Variants in EPHA7 observed in about 807,000 individuals in gnomAD.
EPHA7 encodes EPH receptor A7, also known as ephrin type-A receptor 7.
A neutral mutation model predicts 112.6 loss-of-function variants in EPHA7; 25 were observed. The observed-to-expected ratio is 0.22, with a 90% CI of 0.16 to 0.31. The LOEUF (loss-of-function observed/expected upper bound fraction) is 0.31, where lower values mean the gene tolerates loss of function less well. Among genes scored for constraint, EPHA7 ranks in the 10% least tolerant of loss-of-function variants. EPHA7 has a pLI of 1.00. For synonymous variants in EPHA7, 437 were observed against 406.5 expected (o/e 1.07, Z -0.90); for missense variants, 962 against 1,212.6 (o/e 0.79, Z 3.07).
At chr6:93,282,070 C>T (rs775700278) in intron 5 of EPHA7, among the ~76,000 whole-genome samples, 4 of 151,908 alleles carry the variant, frequency 2.6e-5, no homozygotes, top group East Asian at 1.9e-4. Flanking sequence ...ATGTTTATAA[C>T]GTTGTCATGT....
chr6:93,406,096 G>A (rs1778706856), intron 3 of EPHA7, among the ~76,000 whole-genome samples: 1 of 150,434 alleles, frequency 6.6e-6, no homozygotes, highest in Non-Finnish European at 1.5e-5. Context: ...CTATTAAAAA[G>A]CTGCTATTAG....
intron 7 of EPHA7, among the ~76,000 whole-genome samples, chr6:93,266,413 A>G (rs1770940752): frequency 6.6e-6 from 1 of 151,684 alleles, no homozygotes; most frequent in Non-Finnish European, 1.5e-5. Flanking sequence ...TGAATGATGA[A>G]TCAGAATTTG....
chr6:93,343,574 T>A (rs1292791716), intron 5 of EPHA7, among the ~76,000 whole-genome samples: 1 of 151,748 alleles, frequency 6.6e-6, no homozygotes, highest in Non-Finnish European at 1.5e-5. Flanking sequence ...GTGCATTTTA[T>A]CAGGAGACAT....
chr6:93,313,012 T>C (rs890311123), intron 5 of EPHA7, among the ~76,000 whole-genome samples: 1 of 152,078 alleles, frequency 6.6e-6, no homozygotes, highest in Non-Finnish European at 1.5e-5. Context: ...ACAATTACAG[T>C]AGTAACATCA....
chr6:93,245,449 T>C lies in EPHA7; in HGVS notation c.2731A>G (p.Ile911Val). 2 of 1,607,740 alleles carry C rather than the reference T, an allele frequency of 1.2e-6. No homozygotes were observed. The highest frequency in any genetic ancestry group is 2.2e-5 in the East Asian group (1 of 44,740). The stretch of plus-strand genomic sequence containing the variant: ...GTGTTTTGATCCAGAAGAGGGCTTA[T>C]TGGCCTAGATAAAAATGAAACAGAA... ...KTPLGTCSRP[I>V]SPLLDQNTPD... is the part of the protein sequence containing the mutation. Residue 911 changes from isoleucine (I) to valine (V), a missense_variant, in exon 16 of 17, where the codon ATA becomes GTA. Physicochemically the swap from Ile to Val is conservative, Grantham distance 29. This residue lies in a region of EPHA7 where 746 missense variants were observed against 889.2 expected (regional missense o/e 0.84). Transcript: ENST00000369303.
At chr6:93,365,014 T>A (rs1307050367) in intron 3 of EPHA7, among the ~76,000 whole-genome samples, 1 of 152,192 alleles carries the variant, frequency 6.6e-6, no homozygotes, top group African/African-American at 2.4e-5. Flanking sequence ...TTATTTTTCA[T>A]CCACATTACT....
At position 93,264,628 on chromosome 6, in the gene EPHA7, C is replaced by T. The variant is rs762911058; in HGVS notation, c.1708G>A (p.Val570Met). The change falls in exon 8 of 17, where the codon GTG becomes ATG. Residue 570 changes from valine to methionine, a missense_variant. Around this residue, in one of 3 missense-constraint regions of EPHA7, gnomAD observed 746 missense variants for 889.2 expected, o/e 0.84. Coordinates refer to ENST00000369303, the MANE Select transcript of EPHA7 (RefSeq NM_004440.4). The part of the protein sequence containing the change: ...VVAVAGTIIL[V>M]FMVFGFIIGR... ...ATGATGAAGCCAAAGACCATGAACA[C>T]CAAAATGATGGTCCCAGCTACAGCA... The T allele has an allele frequency of 3.7e-6, 6 of 1,607,424 alleles. No homozygotes were observed. The highest frequency in any genetic ancestry group is 4.3e-6 in the Non-Finnish European group (5 of 1,175,794).
intron 5 of EPHA7, among the ~76,000 whole-genome samples, chr6:93,344,324 T>C (rs1314614486): frequency 6.6e-6 from 1 of 151,560 alleles, no homozygotes; most frequent in Admixed American, 6.6e-5. Context: ...ACAATGAAAT[T>C]TGTGTGAGGC....
At chr6:93,336,582 T>C (rs1774885376) in intron 5 of EPHA7, among the ~76,000 whole-genome samples, 1 of 152,080 alleles carries the variant, frequency 6.6e-6, no homozygotes, top group African/African-American at 2.4e-5. Flanking sequence ...TTTTTATTTT[T>C]AGTAGAGACG....
At chr6:93,318,468 T>C (rs1344136594) in intron 5 of EPHA7, among the ~76,000 whole-genome samples, 1 of 151,988 alleles carries the variant, frequency 6.6e-6, no homozygotes, top group East Asian at 1.9e-4. Context: ...TCATGAGAAA[T>C]GAGAAAAAGA....
At chr6:93,286,055 A>G (rs763012731) in intron 5 of EPHA7, among the ~76,000 whole-genome samples, 3 of 152,128 alleles carry the variant, frequency 2.0e-5, no homozygotes, top group Non-Finnish European at 4.4e-5. Context: ...CCCTTTTCAG[A>G]AAAAGTTTGC....
At chr6:93,394,212 G>A (rs1413484755) in intron 3 of EPHA7, among the ~76,000 whole-genome samples, 2 of 151,614 alleles carry the variant, frequency 1.3e-5, no homozygotes, top group Non-Finnish European at 1.5e-5. Flanking sequence ...AAAAATAATG[G>A]CTTCATTGGC....
At chr6:93,250,739 G>A (rs2127850712) in intron 14 of EPHA7, among the ~76,000 whole-genome samples, 1 of 152,200 alleles carries the variant, frequency 6.6e-6, no homozygotes, top group Non-Finnish European at 1.5e-5. Flanking sequence ...ACATATTCTT[G>A]TGAAATTACT....
intron 5 of EPHA7, among the ~76,000 whole-genome samples, chr6:93,302,467 G>A (rs1773034573): frequency 6.6e-6 from 1 of 151,986 alleles, no homozygotes; most frequent in Non-Finnish European, 1.5e-5. Flanking sequence ...ACAATTTCCA[G>A]GGTGCCACTC....
At chr6:93,326,638 T>C (rs1423398397) in intron 5 of EPHA7, among the ~76,000 whole-genome samples, 1 of 151,474 alleles carries the variant, frequency 6.6e-6, no homozygotes, top group Non-Finnish European at 1.5e-5. Flanking sequence ...AGTTTCCTGC[T>C]AATACAGGAA....
At chr6:93,381,837 T>C (rs545836061) in intron 3 of EPHA7, among the ~76,000 whole-genome samples, 1 of 152,268 alleles carries the variant, frequency 6.6e-6, no homozygotes, top group Admixed American at 6.5e-5. Flanking sequence ...ACAGCCATAC[T>C]TAAGTCATCA....
Position 93,242,460 on chromosome 6 carries a change from A to C in EPHA7, c.*966T>G, listed in dbSNP as rs1769731003. 5.1e-6 allele frequency: 1 copy of C among 196,122 alleles called. No homozygotes were observed. Among genetic ancestry groups the C allele is most frequent in the African/African-American group, 2.3e-5 (1 of 43,342 alleles). 12.1% of individuals were successfully genotyped at this position (196,122 alleles called of 1,614,324 possible). On this transcript the variant is annotated 3_prime_UTR_variant, in exon 17 of 17. Transcript: ENST00000369303. ...TTATCCTAAATTTCCTAATGTCACG[A>C]GAATGAAAAAATCTTGATGTGCTCA...
intron 5 of EPHA7, among the ~76,000 whole-genome samples, chr6:93,301,877 C>T (rs1193758382): frequency 6.6e-6 from 1 of 152,174 alleles, no homozygotes; most frequent in Non-Finnish European, 1.5e-5. Context: ...CACAAATCTG[C>T]ACCCATAACA....
chr6:93,369,718 T>C (rs898818487), intron 3 of EPHA7, among the ~76,000 whole-genome samples: 1 of 152,178 alleles, frequency 6.6e-6, no homozygotes, highest in Non-Finnish European at 1.5e-5. Context: ...GATTATAATA[T>C]ATGTATCCAT....
Sources: allele counts gnomAD v4.1 joint callset (sites outside exome capture counted in the v4.1 genomes callset), GRCh38; gene constraint gnomAD v4.1.1; regional missense constraint gnomAD v4.1.1; transcripts MANE v1.5; gene names NCBI Gene and HGNC (gene_info 2026-07-23, HGNC 2026-07-21).